Variants in EBF1 observed in about 807,000 individuals in gnomAD.
The protein encoded by EBF1 is EBF transcription factor 1.
EBF1 carries 10 observed loss-of-function variants against 68.4 expected under a neutral mutation model. The observed-to-expected ratio is 0.15, with a 90% CI of 0.09 to 0.25. EBF1 has a LOEUF of 0.25. Among genes scored for constraint, EBF1 ranks in the 10% least tolerant of loss-of-function variants. The probability of loss-of-function intolerance (pLI) is 1.00; values close to 1 mark genes in which losing one functional copy is unlikely to be tolerated. For missense variants in EBF1, 509 were observed against 794.4 expected, an observed-to-expected ratio of 0.64 and a Z score of 4.32; for synonymous variants, 298 against 299.8, an observed-to-expected ratio of 0.99 and a Z score of 0.06.
rs769346388 is a variant in EBF1, at chr5:159,096,360, T to C, written c.338A>G (p.Gln113Arg). 5.6e-6 allele frequency: 9 copies of C among 1,613,688 alleles called. No homozygotes were observed. The highest frequency in any genetic ancestry group is 1.7e-4 in the Middle Eastern group (1 of 6,038). Residue 113 changes from glutamine (Q) to arginine (R), a missense_variant, in exon 3 of 16, where the codon CAG (glutamine) becomes CGG (arginine). Physicochemically the swap from Gln to Arg is conservative, Grantham distance 43. Around this residue, in one of 3 missense-constraint regions of EBF1, gnomAD observed 230 missense variants for 467.7 expected, o/e 0.49. Transcript: ENST00000313708. ...GGCCTCACCATTGCTGTAGAGAAGC[T>C]GAAGCCGGTAGTGAATTCCGTTATT... ...KTNNGIHYRL[Q>R]LLYSNGIRTE...
intron 6 of EBF1, among the ~76,000 whole-genome samples, chr5:159,027,858 A>G (rs1442255640): frequency 1.3e-5 from 2 of 152,186 alleles, no homozygotes; most frequent in African/African-American, 4.8e-5. Flanking sequence ...GCAGCTCCTG[A>G]GTTGTACAAA....
chr5:158,886,876 C>T (rs573154547), intron 6 of EBF1, among the ~76,000 whole-genome samples: 4 of 152,210 alleles, frequency 2.6e-5, no homozygotes, highest in East Asian at 3.9e-4. Flanking sequence ...GCGGCGGGCA[C>T]GTGTAATCCC....
chr5:158,729,664 A>G (rs1251447015), intron 11 of EBF1, among the ~76,000 whole-genome samples: 1 of 152,220 alleles, frequency 6.6e-6, no homozygotes, highest in Admixed American at 6.5e-5. Flanking sequence ...CCTGTAGATG[A>G]TTTAATTGCT....
At chr5:158,872,451 T>G (rs1797051506) in intron 6 of EBF1, among the ~76,000 whole-genome samples, 1 of 152,156 alleles carries the variant, frequency 6.6e-6, no homozygotes. Context: ...CCACCAGCCT[T>G]GGCATCCTGA....
chr5:159,042,352 T>G (rs1771374367), intron 6 of EBF1, among the ~76,000 whole-genome samples: 1 of 151,998 alleles, frequency 6.6e-6, no homozygotes, highest in South Asian at 2.1e-4. Context: ...AATAAACAAG[T>G]CCCAGGTACA....
chr5:159,020,946 G>A (rs183123413), intron 6 of EBF1, among the ~76,000 whole-genome samples: 22 of 152,168 alleles, frequency 1.4e-4, no homozygotes, highest in South Asian at 8.3e-4. Flanking sequence ...TACTTAATAC[G>A]GCAACCTACC....
At chr5:158,994,285 G>A (rs576144297) in intron 6 of EBF1, among the ~76,000 whole-genome samples, 1 of 152,334 alleles carries the variant, frequency 6.6e-6, no homozygotes, top group South Asian at 2.1e-4. Flanking sequence ...TTTTCTATAA[G>A]TACAATGAGC....
At chr5:158,895,352 C>T (rs1019219307) in intron 6 of EBF1, among the ~76,000 whole-genome samples, 4 of 152,030 alleles carry the variant, frequency 2.6e-5, no homozygotes, top group African/African-American at 9.7e-5. Context: ...ATAGCGAGGC[C>T]CTGTCTCAAA....
chr5:158,869,118 G>T (rs555984818), intron 6 of EBF1, among the ~76,000 whole-genome samples: 1 of 152,310 alleles, frequency 6.6e-6, no homozygotes, highest in East Asian at 1.9e-4. Context: ...GTGTGTATGT[G>T]TGTAAAAGTA....
rs951406459 is a variant in EBF1 at position 158,919,864 on chromosome 5, T to A, written c.555-79754A>T. Reference sequence around the variant, plus strand: ...GAAGTTTATCAAGATTAAGCAACTTTCCAACTGAACAGGGCTTTAAAGACA... The same window carrying A: ...GAAGTTTATCAAGATTAAGCAACTTACCAACTGAACAGGGCTTTAAAGACA... On this transcript the variant is annotated intron_variant, in intron 6 of 15. Coordinates refer to ENST00000313708, the MANE Select transcript of EBF1 (RefSeq NM_024007.5). 1.1e-4 allele frequency among the ~76,000 whole-genome samples: 16 copies of A among 152,298 alleles called. No individual in the cohort carries two copies. The South Asian group carries it at 1.4e-3, about 14-fold the overall frequency.
intron 6 of EBF1, among the ~76,000 whole-genome samples, chr5:158,844,846 T>C (rs1308322904): frequency 1.3e-5 from 2 of 152,330 alleles, no homozygotes; most frequent in Middle Eastern, 3.4e-3. Context: ...ATCACGGAAC[T>C]AACTGAACCC....
chr5:158,896,683 G>A (rs562977191), intron 6 of EBF1, among the ~76,000 whole-genome samples: 66 of 152,312 alleles, frequency 4.3e-4, no homozygotes, highest in African/African-American at 1.5e-3. Context: ...ATAAAGTCAC[G>A]TGGGTGGTTG....
chr5:158,845,444 T>A (rs1026054441), intron 6 of EBF1, among the ~76,000 whole-genome samples: 1 of 152,140 alleles, frequency 6.6e-6, no homozygotes, highest in African/African-American at 2.4e-5. Flanking sequence ...GGGAGGAACA[T>A]CGGAACCTAC....
Position 158,796,554 on chromosome 5 carries a change from G to GA in EBF1, c.779-80dup, listed in dbSNP as rs540403389. ...TTAATGATGAAGACTTGAGAAAAAGGAAAAAAAAAATCTTTTATCTTTTCA... is the reference window on the plus strand; with the variant it reads ...TTAATGATGAAGACTTGAGAAAAAGGAAAAAAAAAAATCTTTTATCTTTTCA... On this transcript the variant is annotated intron_variant, in intron 8 of 15. Coordinates refer to ENST00000313708, the MANE Select transcript of EBF1 (RefSeq NM_024007.5). The GA allele has an allele frequency of 2.9e-3, 4,015 of 1,378,146 alleles. 11 individuals carry two copies. Among genetic ancestry groups the GA allele is most frequent in the African/African-American group, 0.02 (1,341 of 67,858 alleles). The allele number at this position is 1,378,146 out of a possible 1,614,324, so 85.4% of individuals were successfully genotyped here.
chr5:158,767,902 A>T lies in EBF1; in HGVS notation c.1036+9511T>A, dbSNP rs143523513. ...ACAATTTTGGATTTGATTACATTTC[A>T]GATATCGTTAGGGTTTTAGATGAGT... On this transcript the variant is annotated intron_variant, in intron 10 of 15. Coordinates refer to ENST00000313708, the MANE Select transcript of EBF1 (RefSeq NM_024007.5). Among the ~76,000 whole-genome samples the T allele has an allele frequency of 2.2e-3, 329 of 152,250 alleles. 4 individuals are homozygous for T. In the East Asian group the frequency reaches 0.04, roughly 18 times the overall value.
intron 1 of EBF1, chr5:159,097,366 G>A (rs1562012113): frequency 1.8e-6 from 1 of 552,780 alleles, no homozygotes; most frequent in Non-Finnish European, 3.2e-6. Flanking sequence ...ACTCGCTGAA[G>A]AGGTGTGAAA....
chr5:158,708,000 T>G lies in EBF1; in HGVS notation c.1723A>C (p.Thr575Pro). ...TTACCTTGCAGGCTGTTCCCGTTGG[T>G]GCTGGTGCAGGTGGGAGGTGGGGAG... ...QTSPPPTCTS[T>P]NGNSLQAISG... The change falls in exon 15 of 16, where the codon ACC becomes CCC. Residue 575 changes from threonine to proline, a missense_variant. Coordinates refer to ENST00000313708, the MANE Select transcript of EBF1 (RefSeq NM_024007.5). The G allele has an allele frequency of 6.5e-7, 1 of 1,550,268 alleles. No homozygotes were observed. The highest frequency in any genetic ancestry group is 8.7e-7 in the Non-Finnish European group (1 of 1,147,000).
chr5:159,040,409 T>C (rs1401616404), intron 6 of EBF1, among the ~76,000 whole-genome samples: 1 of 152,178 alleles, frequency 6.6e-6, no homozygotes, highest in Non-Finnish European at 1.5e-5. Flanking sequence ...AGAAACTAGT[T>C]TTCCTTCCCT....
At chr5:158,918,532 A>G (rs1807695107) in intron 6 of EBF1, among the ~76,000 whole-genome samples, 1 of 152,232 alleles carries the variant, frequency 6.6e-6, no homozygotes, top group South Asian at 2.1e-4. Context: ...AGAGATAAAG[A>G]GATTGAGACT....
Sources: allele counts gnomAD v4.1 joint callset (sites outside exome capture counted in the v4.1 genomes callset), GRCh38; gene constraint gnomAD v4.1.1; regional missense constraint gnomAD v4.1.1; transcripts MANE v1.5; gene names NCBI Gene and HGNC (gene_info 2026-07-23, HGNC 2026-07-21).